ABCB5: variants seen among roughly 807,000 people sequenced by gnomAD.
ABCB5 encodes ATP binding cassette subfamily B member 5.
In ABCB5, 155 loss-of-function variants were observed where a neutral mutation model predicts 144.2. The observed-to-expected ratio is 1.08, with a 90% CI of 0.94 to 1.23. The LOEUF (loss-of-function observed/expected upper bound fraction) is 1.23, where lower values mean the gene tolerates loss of function less well. ABCB5 is among the 50% of genes most tolerant of loss of function. The pLI is 0.00. For synonymous variants in ABCB5, 610 were observed against 528.6 expected, an observed-to-expected ratio of 1.15 and a Z score of -2.11; for missense variants, 1,830 against 1,520.8, an observed-to-expected ratio of 1.20 and a Z score of -3.38.
chr7:20,681,714 A>C, intron 15 of ABCB5, 48 bp downstream of exon 15: 2 of 1,589,248 alleles, frequency 1.3e-6, no homozygotes, highest in Non-Finnish European at 1.7e-6. Context: ...TTAACGTTTC[A>C]GAGATCATAC....
intron 1 of ABCB5, among the ~76,000 whole-genome samples, chr7:20,616,854 G>A (rs532821393): frequency 6.6e-6 from 1 of 152,308 alleles, no homozygotes; most frequent in South Asian, 2.1e-4. Flanking sequence ...CTGCCAACTG[G>A]CTCACAAATT....
intron 16 of ABCB5, among the ~76,000 whole-genome samples, chr7:20,686,413 C>A (rs372016824): frequency 6.6e-6 from 1 of 152,128 alleles, no homozygotes; most frequent in African/African-American, 2.4e-5. Context: ...CCAGCAGTTC[C>A]CATCTGCACC....
At chr7:20,711,922 T>A (rs1368684276) in intron 20 of ABCB5, among the ~76,000 whole-genome samples, 1 of 130,194 alleles carries the variant, frequency 7.7e-6, no homozygotes, top group African/African-American at 2.8e-5. Context: ...TCTTTCTCTC[T>A]CTTTCTTTTT....
At position 20,645,741 on chromosome 7, in the gene ABCB5, T is replaced by G. The variant is rs1471962555; in HGVS notation, c.679-15T>G. 6.2e-7 allele frequency: 1 copy of G among 1,612,992 alleles called. No homozygotes were observed. Among genetic ancestry groups the G allele is most frequent in the East Asian group, 2.2e-5 (1 of 44,854 alleles). On this transcript the variant is annotated splice_polypyrimidine_tract_variant and intron_variant, in intron 7 of 27. Transcript: ENST00000404938. ...CACAGAGTCATTTTTTAACTGTGGT[T>G]GTGGTTTATTACAGATGGTCATCTC...
chr7:20,636,818 A>C (rs554962274), intron 5 of ABCB5, among the ~76,000 whole-genome samples: 92 of 150,482 alleles, frequency 6.1e-4, no homozygotes, highest in African/African-American at 2.2e-3. Context: ...GGAAGGAATT[A>C]CCTATAATAT....
chr7:20,695,013 T>G (rs75963042), intron 16 of ABCB5, among the ~76,000 whole-genome samples: 337 of 152,110 alleles, frequency 2.2e-3, no homozygotes, highest in African/African-American at 7.7e-3. Context: ...ATAGTTAAGA[T>G]GTTCTTTCTC....
At chr7:20,646,171 T>G (rs1221967896) in intron 9 of ABCB5, 33 bp downstream of exon 9, 23 of 1,575,084 alleles carry the variant, frequency 1.5e-5, no homozygotes, top group Non-Finnish European at 2.0e-5. Context: ...GTGTCAGGCC[T>G]GGATAATCTT....
chr7:20,649,568 C>T (rs925672786), intron 11 of ABCB5, among the ~76,000 whole-genome samples: 3 of 152,124 alleles, frequency 2.0e-5, no homozygotes, highest in South Asian at 2.1e-4. Flanking sequence ...TCTCATCTAT[C>T]GGGAGCCACT....
chr7:20,733,719 A>G (rs929407106), intron 23 of ABCB5, among the ~76,000 whole-genome samples: 1 of 151,376 alleles, frequency 6.6e-6, no homozygotes, highest in Non-Finnish European at 1.5e-5. Context: ...GCTCGCCGCA[A>G]ACTCCGCTTC....
intron 15 of ABCB5, among the ~76,000 whole-genome samples, chr7:20,681,965 G>C (rs961274218): frequency 1.3e-5 from 2 of 152,092 alleles, no homozygotes; most frequent in Non-Finnish European, 2.9e-5. Flanking sequence ...CCAGCAATTT[G>C]GGAGGTCGAG....
At chr7:20,682,024 G>T (rs529187279) in intron 15 of ABCB5, among the ~76,000 whole-genome samples, 1 of 152,118 alleles carries the variant, frequency 6.6e-6, no homozygotes, top group African/African-American at 2.4e-5. Flanking sequence ...GGCCAACATG[G>T]TGAAACCTTG....
In ABCB5 at chr7:20,667,668, T is replaced by TCTGCCCCTGCCC. The variant is rs11274355; in HGVS notation, c.1707+9046_1707+9057dup. On this transcript the variant is annotated intron_variant, in intron 14 of 27. Coordinates refer to ENST00000404938, the MANE Select transcript of ABCB5 (RefSeq NM_001163941.2). Reference sequence around the variant, plus strand: ...TTGCTTTTGGAAAATAACATTCGCCTCTGCCCCTGCCCCTGCCCCTGCCCC... The same window carrying TCTGCCCCTGCCC: ...TTGCTTTTGGAAAATAACATTCGCCTCTGCCCCTGCCCCTGCCCCTGCCCCTGCCCCTGCCCC... The TCTGCCCCTGCCC allele has an allele frequency of 3.6e-4, 180 of 497,232 alleles. 1 individual carries two copies. The highest frequency in any genetic ancestry group is 1.0e-3 in the Middle Eastern group (1 of 966). The allele number at this position is 497,232 out of a possible 1,614,324, so 30.8% of individuals were successfully genotyped here. A position where few individuals can be genotyped will look rare whatever the true frequency, so the allele number is the denominator to read the frequency against.
intron 1 of ABCB5, among the ~76,000 whole-genome samples, chr7:20,620,117 T>A (rs1368777052): frequency 6.6e-6 from 1 of 152,230 alleles, no homozygotes; most frequent in Non-Finnish European, 1.5e-5. Context: ...TGTGTTTAGC[T>A]TTGTTCTTTT....
chr7:20,680,036 A>C (rs1433063345), intron 14 of ABCB5, among the ~76,000 whole-genome samples: 1 of 152,218 alleles, frequency 6.6e-6, no homozygotes, highest in Non-Finnish European at 1.5e-5. Context: ...ATGGATAAAT[A>C]AGTTGTGGTA....
At chr7:20,740,079 A>C (rs189731894) in intron 24 of ABCB5, among the ~76,000 whole-genome samples, 2 of 152,096 alleles carry the variant, frequency 1.3e-5, no homozygotes, top group Non-Finnish European at 1.5e-5. Flanking sequence ...AAAATAAAAA[A>C]ATTAAAAAAA....
At chr7:20,753,250 A>G in intron 26 of ABCB5, 110 bp from the exon 27 acceptor site, 1 of 1,380,020 alleles carries the variant, frequency 7.2e-7, no homozygotes, top group Admixed American at 2.4e-5. Context: ...TTGGGACACA[A>G]ATTTTCAAGA....
At chr7:20,617,430 G>A (rs186124045) in intron 1 of ABCB5, among the ~76,000 whole-genome samples, 19 of 152,302 alleles carry the variant, frequency 1.2e-4, no homozygotes, top group African/African-American at 4.6e-4. Context: ...GCTATTAACA[G>A]CAGATAAAAA....
In ABCB5 at chr7:20,668,591, G is replaced by GGC. The variant is rs1491137219; in HGVS notation, c.1707+9916_1707+9917insCG. Among the ~76,000 whole-genome samples the GGC allele has an allele frequency of 2.0e-4, 5 of 24,524 alleles. No homozygotes were observed. In the East Asian group the frequency reaches 0.012, roughly 60 times the overall value. The allele number at this position is 24,524 out of a possible 152,430, so 16.1% of individuals were successfully genotyped here. A position where few individuals can be genotyped will look rare whatever the true frequency, so the allele number is the denominator to read the frequency against. Reference sequence around the variant, plus strand: ...CAGCCACCCCGTCCGGGAGGGAGGTGGGGGGGGGGGTCAGCCCCCCGCCCG... The same window carrying GGC: ...CAGCCACCCCGTCCGGGAGGGAGGTGGCGGGGGGGGGGTCAGCCCCCCGCCCG... On this transcript the variant is annotated intron_variant, in intron 14 of 27. Coordinates refer to ENST00000404938, the MANE Select transcript of ABCB5 (RefSeq NM_001163941.2).
rs373464355 is a variant in ABCB5, at chr7:20,626,625, G to A, written c.108+14G>A. ...TCTATTGAGATAGTAAGTGAAATCA[G>A]TTAGAAAGTACATGCATTAGAAGAT... On this transcript the variant is annotated intron_variant, in intron 3 of 27. Transcript: ENST00000404938. The A allele has an allele frequency of 5.0e-6, 8 of 1,595,764 alleles. No homozygotes were observed. Among genetic ancestry groups the A allele is most frequent in the African/African-American group, 2.7e-5 (2 of 74,648 alleles).
Sources: gnomAD v4.1 joint callset for allele counts (sites outside exome capture counted in the v4.1 genomes callset) on GRCh38, gnomAD v4.1.1 for gene constraint, MANE v1.5 for transcripts, NCBI Gene and HGNC (gene_info 2026-07-23, HGNC 2026-07-21) for gene names.